SETBP1: variants seen among roughly 807,000 people sequenced by gnomAD.
SETBP1 encodes the protein SET binding protein 1.
In SETBP1, 9 loss-of-function variants were observed where a neutral mutation model predicts 101.0. The observed-to-expected ratio is 0.09, with a 90% CI of 0.05 to 0.16. SETBP1 has a LOEUF of 0.16. Ranked by LOEUF, SETBP1 falls within the 10% of genes least tolerant of loss-of-function variation. The pLI, the probability that SETBP1 is intolerant of heterozygous loss-of-function variation, is 1.00. For synonymous variants in SETBP1, 818 were observed against 788.5 expected, an observed-to-expected ratio of 1.04 and a Z score of -0.63; for missense variants, 1,858 against 2,033.8, an observed-to-expected ratio of 0.91 and a Z score of 1.66.
chr18:44,909,911 A>G (rs904168364), intron 3 of SETBP1, among the ~76,000 whole-genome samples: 9 of 152,196 alleles, frequency 5.9e-5, no homozygotes, highest in Non-Finnish European at 7.3e-5. Flanking sequence ...GAATTAGCTT[A>G]CAACCCTCAG....
In SETBP1 at chr18:45,042,253, G is replaced by A. The variant is rs180871800; in HGVS notation, c.4171+3598G>A. On this transcript the variant is annotated intron_variant, in intron 5 of 5. Transcript: ENST00000649279. Reference sequence around the variant, plus strand: ...CAACCTCCACCTCCCAGATTCAAGCGATTCTCCTGCCTCAGCCTACCAAGT... The same window carrying A: ...CAACCTCCACCTCCCAGATTCAAGCAATTCTCCTGCCTCAGCCTACCAAGT... 2.9e-3 allele frequency among the ~76,000 whole-genome samples: 434 copies of A among 148,024 alleles called. 2 individuals are homozygous for A. The highest frequency in any genetic ancestry group is 0.01 in the African/African-American group (411 of 40,132).
chr18:45,039,583 C>T (rs971964939), intron 5 of SETBP1, among the ~76,000 whole-genome samples: 4 of 152,196 alleles, frequency 2.6e-5, no homozygotes, highest in Admixed American at 1.3e-4. Flanking sequence ...CAGAGTCAAC[C>T]GTTTAGATTC....
intron 2 of SETBP1, among the ~76,000 whole-genome samples, chr18:44,815,392 C>T (rs78170524): frequency 0.058 from 8,834 of 152,256 alleles, 351 homozygotes; most frequent in East Asian, 0.13. Flanking sequence ...CTGTACGGGG[C>T]AGCCCGTATC....
intron 2 of SETBP1, among the ~76,000 whole-genome samples, chr18:44,712,201 G>A (rs956225646): frequency 3.3e-5 from 5 of 152,158 alleles, no homozygotes; most frequent in Non-Finnish European, 7.3e-5. Context: ...CCAGATGGTC[G>A]TCTTTGCCTC....
At chr18:44,784,715 A>G (rs1325281145) in intron 2 of SETBP1, among the ~76,000 whole-genome samples, 2 of 152,222 alleles carry the variant, frequency 1.3e-5, no homozygotes, top group Admixed American at 6.5e-5. Context: ...CTTTGCACAT[A>G]GTAGGAGGTT....
chr18:44,904,322 G>A (rs1334997880), intron 3 of SETBP1, among the ~76,000 whole-genome samples: 2 of 152,132 alleles, frequency 1.3e-5, no homozygotes, highest in Non-Finnish European at 2.9e-5. Context: ...AAAGCTATTT[G>A]TTGCTCTATG....
At chr18:45,062,004 G>A (rs920474314) in intron 5 of SETBP1, among the ~76,000 whole-genome samples, 6 of 152,212 alleles carry the variant, frequency 3.9e-5, no homozygotes, top group African/African-American at 1.4e-4. Context: ...TGGAGTCTGT[G>A]TGAGTGTATG....
chr18:44,963,752 TG>T (rs1345526223), intron 4 of SETBP1, among the ~76,000 whole-genome samples: 4 of 151,432 alleles, frequency 2.6e-5, no homozygotes, highest in African/African-American at 9.7e-5. Context: ...TAGCCTGGTG[TG>T]GTGGTGCACA....
chr18:44,809,129 T>A (rs575280845), intron 2 of SETBP1, among the ~76,000 whole-genome samples: 1 of 152,348 alleles, frequency 6.6e-6, no homozygotes, highest in South Asian at 2.1e-4. Flanking sequence ...GAAACTTGAT[T>A]TTTTGAAAGA....
intron 4 of SETBP1, among the ~76,000 whole-genome samples, chr18:44,973,479 G>T (rs1004376613): frequency 6.6e-6 from 1 of 152,192 alleles, no homozygotes; most frequent in Non-Finnish European, 1.5e-5. Context: ...CCCTCTGGAG[G>T]CTGCCATTCC....
At chr18:44,979,253 A>G (rs1007875910) in intron 4 of SETBP1, among the ~76,000 whole-genome samples, 1 of 152,184 alleles carries the variant, frequency 6.6e-6, no homozygotes, top group African/African-American at 2.4e-5. Context: ...AGTATGTTTA[A>G]AAGTTTTGTG....
At chr18:45,020,796 C>A (rs973237073) in intron 4 of SETBP1, among the ~76,000 whole-genome samples, 3 of 152,288 alleles carry the variant, frequency 2.0e-5, no homozygotes, top group African/African-American at 7.2e-5. Flanking sequence ...ATGCTCCTGT[C>A]CAGCATGGTC....
chr18:44,814,471 A>T (rs2071932686), intron 2 of SETBP1, among the ~76,000 whole-genome samples: 1 of 152,230 alleles, frequency 6.6e-6, no homozygotes, highest in South Asian at 2.1e-4. Flanking sequence ...CTTCTTACAC[A>T]TCTAGAATTG....
intron 2 of SETBP1, among the ~76,000 whole-genome samples, chr18:44,755,726 C>G (rs1432210173): frequency 6.6e-6 from 1 of 152,110 alleles, no homozygotes; most frequent in Non-Finnish European, 1.5e-5. Context: ...CAGACGATCT[C>G]TCTTGGGACT....
intron 4 of SETBP1, among the ~76,000 whole-genome samples, chr18:44,975,151 A>T (rs2071958315): frequency 6.6e-6 from 1 of 152,226 alleles, no homozygotes; most frequent in African/African-American, 2.4e-5. Flanking sequence ...TAATGTTCGC[A>T]CTTCTCTGGC....
chr18:44,739,557 G>C (rs2070052521), intron 2 of SETBP1, among the ~76,000 whole-genome samples: 1 of 152,180 alleles, frequency 6.6e-6, no homozygotes, highest in African/African-American at 2.4e-5. Context: ...ATTTGTAAAA[G>C]AGTCTGACTA....
chr18:45,020,258 TAAAAAAA>T (rs57134217), intron 4 of SETBP1, among the ~76,000 whole-genome samples: 7 of 53,062 alleles, frequency 1.3e-4, no homozygotes, highest in East Asian at 5.0e-4. Flanking sequence ...GACTCTGTCT[TAAAAAAA>T]AAAAAAAAAA....
chr18:44,953,252 A>C lies in SETBP1; in HGVS notation c.3912A>C (p.Glu1304Asp). 1 of 1,614,166 alleles carries C rather than the reference A, an allele frequency of 6.2e-7. No homozygotes were observed. Among genetic ancestry groups the C allele is most frequent in the Non-Finnish European group, 8.5e-7 (1 of 1,180,032 alleles). Residue 1304 changes from glutamate (E) to aspartate (D), a missense_variant, in exon 4 of 6, where the codon GAA becomes GAC. By Grantham distance (45) the Glu-to-Asp change is conservative. Coordinates refer to ENST00000649279, the MANE Select transcript of SETBP1 (RefSeq NM_015559.3). ...DVSGSKRRSY[E>D]GFGTYREKDI... ...GTGGGAGTAAAAGGAGGAGCTATGAAGGCTTTGGAACGTACAGGGAAAAGG... is the reference window on the plus strand; with the variant it reads ...GTGGGAGTAAAAGGAGGAGCTATGACGGCTTTGGAACGTACAGGGAAAAGG...
intron 2 of SETBP1, among the ~76,000 whole-genome samples, chr18:44,791,597 A>C (rs1054755038): frequency 1.3e-5 from 2 of 152,126 alleles, no homozygotes; most frequent in Non-Finnish European, 2.9e-5. Flanking sequence ...ATTTAGGAGA[A>C]ATTTCCATGG....
Sources: gnomAD v4.1 joint callset for allele counts (sites outside exome capture counted in the v4.1 genomes callset) on GRCh38, gnomAD v4.1.1 for gene constraint, MANE v1.5 for transcripts, NCBI Gene and HGNC (gene_info 2026-07-23, HGNC 2026-07-21) for gene names.